Variants in C8orf76 observed in about 807,000 individuals in gnomAD.
The protein encoded by C8orf76 is chromosome 8 open reading frame 76, also known as uncharacterized protein C8orf76.
In C8orf76, 46 loss-of-function variants were observed where a neutral mutation model predicts 38.1. That is an observed-to-expected ratio of 1.21 (90% CI 0.95 to 1.54). The LOEUF is 1.54. C8orf76 is among the 40% of genes most tolerant of loss of function. The pLI, the probability that C8orf76 is intolerant of heterozygous loss-of-function variation, is 0.00. For missense variants in C8orf76, 461 were observed against 441.6 expected (o/e 1.04, Z -0.39); for synonymous variants, 166 against 167.5 (o/e 0.99, Z 0.07).
intron 4 of C8orf76, among the ~76,000 whole-genome samples, chr8:123,228,224 C>T: frequency 6.6e-6 from 1 of 152,088 alleles, no homozygotes; most frequent in East Asian, 1.9e-4. Flanking sequence ...TACCACTGTA[C>T]CAGCCTAGGT....
intron 3 of C8orf76, among the ~76,000 whole-genome samples, chr8:123,232,823 A>G (rs751605597): frequency 2.0e-5 from 3 of 152,216 alleles, no homozygotes; most frequent in Admixed American, 6.5e-5. Flanking sequence ...ATTTAGCTCC[A>G]TAAGAGCTTT....
At chr8:123,233,872 C>T (rs1051517177) in intron 3 of C8orf76, among the ~76,000 whole-genome samples, 22 of 151,822 alleles carry the variant, frequency 1.4e-4, no homozygotes, top group African/African-American at 5.3e-4. Flanking sequence ...ACTAAAAATA[C>T]AAAAAATTAG....
At position 123,237,787 on chromosome 8, in the gene C8orf76, A is replaced by T; in HGVS notation, c.357+11T>A. 1 of 1,607,712 alleles carries T rather than the reference A, an allele frequency of 6.2e-7. No individual in the cohort carries two copies. The highest frequency in any genetic ancestry group is 8.5e-7 in the Non-Finnish European group (1 of 1,177,980). On this transcript the variant is annotated intron_variant, in intron 3 of 5. Transcript: ENST00000276704. ...GGAATGTGTGTGAAAATAAGCAATA[A>T]AATCACTCACCAAGTTTGCAGCAAT...
intron 1 of C8orf76, 49 bp from the exon 2 acceptor site, chr8:123,239,193 C>G (rs769865253): frequency 2.2e-5 from 35 of 1,576,120 alleles, no homozygotes; most frequent in Non-Finnish European, 2.8e-5. Context: ...TGCTTTTCCA[C>G]CTCATATTCA....
rs183651626 is a variant in C8orf76, at chr8:123,237,234, C to G, written c.357+564G>C. Among the ~76,000 whole-genome samples, 187 of 152,322 alleles carry G rather than the reference C, an allele frequency of 1.2e-3. 2 individuals are homozygous for G. The highest frequency in any genetic ancestry group is 4.3e-3 in the African/African-American group (180 of 41,568). ...AGGACAAAGAAGGCTCTTCCTTCCC[C>G]AAAGAGCGGCGTCCTGCCCAGGCCT... On this transcript the variant is annotated intron_variant, in intron 3 of 5. Transcript: ENST00000276704.
rs1242985612 is a variant in C8orf76, at chr8:123,237,969, T to C, written c.214-28A>G. 12 of 1,595,612 alleles carry C rather than the reference T, an allele frequency of 7.5e-6. No homozygotes were observed. In the African/African-American group the frequency reaches 8.1e-5, roughly 11 times the overall value. On this transcript the variant is annotated intron_variant, in intron 2 of 5. Transcript: ENST00000276704. The stretch of plus-strand genomic sequence containing the variant: ...GGAAATTATTTGTTAAATAAAGAAA[T>C]GAAAGGAGGAAAACATAACAGAAAA...
chr8:123,232,417 T>C (rs1247832167), intron 3 of C8orf76, among the ~76,000 whole-genome samples: 3 of 152,230 alleles, frequency 2.0e-5, no homozygotes, highest in African/African-American at 7.2e-5. Flanking sequence ...CCAACATCTC[T>C]TGCCTAACTT....
chr8:123,240,913 A>G (rs1195312049), intron 1 of C8orf76, among the ~76,000 whole-genome samples: 1 of 152,204 alleles, frequency 6.6e-6, no homozygotes, highest in East Asian at 1.9e-4. Flanking sequence ...CCCAGCTGTA[A>G]GAGCAGTGAA....
intron 2 of C8orf76, chr8:123,238,551 T>C (rs779268234): frequency 1.9e-5 from 3 of 157,024 alleles, no homozygotes; most frequent in South Asian, 3.8e-4. Flanking sequence ...CATCATGATA[T>C]AGCAGAAAGA....
chr8:123,220,883 T>C (rs1296963370), intron 5 of C8orf76, among the ~76,000 whole-genome samples: 1 of 152,222 alleles, frequency 6.6e-6, no homozygotes, highest in Non-Finnish European at 1.5e-5. Context: ...AGTTAGGTTG[T>C]AGAAAGCTTG....
intron 3 of C8orf76, among the ~76,000 whole-genome samples, chr8:123,235,459 G>T (rs1023099641): frequency 6.6e-6 from 1 of 152,152 alleles, no homozygotes; most frequent in African/African-American, 2.4e-5. Flanking sequence ...CTCAGGTAGA[G>T]AAGAAATTTT....
intron 4 of C8orf76, among the ~76,000 whole-genome samples, chr8:123,229,600 G>A (rs1218449281): frequency 6.6e-6 from 1 of 152,220 alleles, no homozygotes; most frequent in African/African-American, 2.4e-5. Context: ...ATAAGGGACT[G>A]CTTTTTAAAT....
intron 3 of C8orf76, chr8:123,237,159 C>T (rs1375493039): frequency 1.3e-6 from 1 of 759,810 alleles, no homozygotes; most frequent in South Asian, 1.4e-5. Context: ...CCCGTGCTGT[C>T]AACTCCCGCA....
At position 123,231,524 on chromosome 8, in the gene C8orf76, A is replaced by G. The variant is rs1825270172; in HGVS notation, c.591T>C (p.Ser197=). The change falls in exon 4 of 6, where the codon AGT becomes AGC. Residue 197 remains serine (S), a synonymous_variant. Transcript: ENST00000276704. ...SSQKQHSFTS[S]DKTIKSFFPH... is the part of the protein sequence containing the mutation. ...GAAAGAAGGATTTGATAGTTTTGTCACTTGAGGTGAAACTGTGCTGTTTCT... is the reference window on the plus strand; with the variant it reads ...GAAAGAAGGATTTGATAGTTTTGTCGCTTGAGGTGAAACTGTGCTGTTTCT... 3.1e-6 allele frequency: 5 copies of G among 1,614,128 alleles called. No homozygotes were observed. The South Asian group carries it at 4.4e-5, about 14-fold the overall frequency.
rs61752957 is a variant in C8orf76, at chr8:123,226,531, A to G, written c.917T>C (p.Phe306Ser). ...EIEDKMKGFS[F>S]KEDTLLLIAE... ...TATCAACAGCAAAGTGTCTTCTTTG[A>G]AGCTGAACCCTTTCATTTTATCTTC... Residue 306 changes from phenylalanine to serine, a missense_variant, in exon 5 of 6, where the codon TTC (phenylalanine) becomes TCC (serine). Coordinates refer to ENST00000276704, the MANE Select transcript of C8orf76 (RefSeq NM_032847.3). 0.011 allele frequency: 17,170 copies of G among 1,613,504 alleles called. 138 individuals are homozygous for G. The highest frequency in any genetic ancestry group is 0.012 in the Non-Finnish European group (13,833 of 1,179,882).
At chr8:123,233,680 G>A (rs1256741841) in intron 3 of C8orf76, among the ~76,000 whole-genome samples, 2 of 151,658 alleles carry the variant, frequency 1.3e-5, no homozygotes, top group East Asian at 2.0e-4. Context: ...GAGCCACTGC[G>A]CCCTGTCAAT....
chr8:123,237,523 T>C (rs1056707556), intron 3 of C8orf76, among the ~76,000 whole-genome samples: 2 of 152,160 alleles, frequency 1.3e-5, no homozygotes, highest in African/African-American at 4.8e-5. Context: ...CCACACTGAA[T>C]GTTACTCCTA....
intron 5 of C8orf76, among the ~76,000 whole-genome samples, chr8:123,222,003 C>T (rs116194657): frequency 0.018 from 2,708 of 151,678 alleles, 90 homozygotes; most frequent in African/African-American, 0.062. Context: ...TTTTGGGGGG[C>T]GGGGGGTCAG....
intron 5 of C8orf76, among the ~76,000 whole-genome samples, chr8:123,225,924 CAAA>C (rs111443637): frequency 1.7e-5 from 2 of 114,870 alleles, no homozygotes; most frequent in Non-Finnish European, 1.9e-5. Context: ...GACTCTGTCT[CAAA>C]AAAAAAAAAA....
Sources: allele counts gnomAD v4.1 joint callset (sites outside exome capture counted in the v4.1 genomes callset), GRCh38; gene constraint gnomAD v4.1.1; transcripts MANE v1.5; gene names NCBI Gene and HGNC (gene_info 2026-07-23, HGNC 2026-07-21).